The following CALN1 variants were observed in gnomAD, a reference collection of about 807,000 sequenced individuals.
CALN1 encodes the protein calneuron 1.
A neutral mutation model predicts 30.6 loss-of-function variants in CALN1; 17 were observed. That is an observed-to-expected ratio of 0.56 (90% CI 0.38 to 0.83). CALN1 has a LOEUF of 0.83. CALN1 is among the 40% of genes least tolerant of loss of function. The probability of loss-of-function intolerance (pLI) is 0.00; values close to 1 mark genes in which losing one functional copy is unlikely to be tolerated. For synonymous variants in CALN1, 156 were observed against 131.4 expected (o/e 1.19, Z -1.28); for missense variants, 291 against 354.9 (o/e 0.82, Z 1.45).
chr7:71,809,496 A>T (rs1286585399), intron 6 of CALN1, among the ~76,000 whole-genome samples: 1 of 151,516 alleles, frequency 6.6e-6, no homozygotes, highest in East Asian at 1.9e-4. Flanking sequence ...AAAGAAAAAA[A>T]ATTTGACCTC....
intron 5 of CALN1, among the ~76,000 whole-genome samples, chr7:71,948,188 G>A (rs573058773): frequency 1.3e-5 from 2 of 152,242 alleles, no homozygotes; most frequent in South Asian, 4.2e-4. Context: ...GGAAGGTGTG[G>A]ATGTCAGCAG....
chr7:72,342,851 A>T (rs1156331105), intron 2 of CALN1, among the ~76,000 whole-genome samples: 1 of 152,126 alleles, frequency 6.6e-6, no homozygotes, highest in Admixed American at 6.5e-5. Flanking sequence ...AATAGGTAGA[A>T]GTAGAAAAAA....
At chr7:72,450,228 C>T (rs954925218), upstream of CALN1, among the ~76,000 whole-genome samples, 15 of 152,084 alleles carry the variant, frequency 9.9e-5, no homozygotes, top group African/African-American at 3.6e-4. Context: ...TAAAAATCTG[C>T]CATCACCCAG....
chr7:72,039,620 C>CCCA (rs1410004589), intron 4 of CALN1, among the ~76,000 whole-genome samples: 4 of 152,264 alleles, frequency 2.6e-5, no homozygotes, highest in African/African-American at 4.8e-5. Context: ...CAGGGTCTCC[C>CCCA]CCACCACCAC....
intron 3 of CALN1, among the ~76,000 whole-genome samples, chr7:72,131,618 C>A (rs1438650588): frequency 6.6e-6 from 1 of 152,138 alleles, no homozygotes; most frequent in Non-Finnish European, 1.5e-5. Flanking sequence ...TGGATCTTGC[C>A]CTGACCTAAC....
chr7:72,054,418 C>CACGTATATATATATAT (rs1563015234), intron 4 of CALN1, among the ~76,000 whole-genome samples: 1 of 36,840 alleles, frequency 2.7e-5, no homozygotes, highest in African/African-American at 1.1e-4. Flanking sequence ...TATATATATA[C>CACGTATATATATATAT]GTGTATATAT....
At chr7:71,905,654 TA>T (rs1334083266) in intron 5 of CALN1, among the ~76,000 whole-genome samples, 1 of 152,020 alleles carries the variant, frequency 6.6e-6, no homozygotes, top group Admixed American at 6.6e-5. Context: ...AGATAAACTC[TA>T]TAAAGATTCT....
chr7:72,336,280 G>A (rs1352618596), intron 2 of CALN1, among the ~76,000 whole-genome samples: 1 of 152,154 alleles, frequency 6.6e-6, no homozygotes, highest in Non-Finnish European at 1.5e-5. Flanking sequence ...CTGGGCTGCG[G>A]TGCGGCTCCG....
intron 5 of CALN1, among the ~76,000 whole-genome samples, chr7:71,818,668 C>T (rs1031343305): frequency 6.9e-6 from 1 of 145,922 alleles, no homozygotes; most frequent in South Asian, 2.2e-4. Context: ...CCATGACCAG[C>T]TTATTTTATT....
chr7:72,214,670 G>T (rs920433574), intron 3 of CALN1, among the ~76,000 whole-genome samples: 2 of 151,912 alleles, frequency 1.3e-5, no homozygotes, highest in African/African-American at 4.8e-5. Context: ...CAACCACCAG[G>T]CAGTGACCTA....
intron 2 of CALN1, among the ~76,000 whole-genome samples, chr7:72,392,815 TA>T (rs1478447326): frequency 1.4e-5 from 2 of 141,988 alleles, no homozygotes; most frequent in African/African-American, 2.7e-5. Context: ...CTGTTTAAAT[TA>T]AAAAAGACCC....
intron 4 of CALN1, among the ~76,000 whole-genome samples, chr7:72,035,209 C>T (rs1027606743): frequency 2.0e-5 from 3 of 152,074 alleles, no homozygotes; most frequent in Non-Finnish European, 4.4e-5. Flanking sequence ...TTACCACCAC[C>T]ATCCATCCTC....
In CALN1 at chr7:72,187,265, T is replaced by C. The variant is rs892379412; in HGVS notation, c.245-80971A>G. Among the ~76,000 whole-genome samples the C allele has an allele frequency of 8.5e-5, 13 of 152,318 alleles. No homozygotes were observed. The South Asian group carries it at 2.3e-3, about 27-fold the overall frequency. The stretch of plus-strand genomic sequence containing the variant: ...CAGGTTATCTCAGCCTTTCATCCTA[T>C]TACATAATCTGTAAGTGGTAGAAAA... On this transcript the variant is annotated intron_variant, in intron 3 of 6. Coordinates refer to ENST00000395275, the MANE Select transcript of CALN1 (RefSeq NM_031468.4).
chr7:72,211,935 A>G (rs944743805), intron 3 of CALN1, among the ~76,000 whole-genome samples: 26 of 152,186 alleles, frequency 1.7e-4, no homozygotes, highest in African/African-American at 6.0e-4. Flanking sequence ...TAAAAGCACA[A>G]TAAACTGTTT....
intron 1 of CALN1, among the ~76,000 whole-genome samples, chr7:72,423,825 AAG>A (rs978015368): frequency 1.3e-5 from 2 of 151,646 alleles, no homozygotes; most frequent in African/African-American, 2.4e-5. Context: ...TCAAAAAAAA[AAG>A]AGAGAGAGAC....
At chr7:72,384,416 G>A (rs1394100290) in intron 2 of CALN1, among the ~76,000 whole-genome samples, 4 of 152,154 alleles carry the variant, frequency 2.6e-5, no homozygotes, top group Non-Finnish European at 5.9e-5. Context: ...GTAAAGAAGA[G>A]AGGAAGAAAA....
chr7:71,955,841 T>C (rs947795681), intron 5 of CALN1, among the ~76,000 whole-genome samples: 7 of 151,864 alleles, frequency 4.6e-5, no homozygotes, highest in Non-Finnish European at 1.0e-4. Context: ...AAGTCAGAAG[T>C]AGAATGTACT....
chr7:72,362,101 C>A (rs1298091683), intron 2 of CALN1, among the ~76,000 whole-genome samples: 1 of 152,080 alleles, frequency 6.6e-6, no homozygotes, highest in Non-Finnish European at 1.5e-5. Flanking sequence ...AGGTTTCTGT[C>A]ATTAACAGAA....
intron 2 of CALN1, among the ~76,000 whole-genome samples, chr7:72,377,473 G>GTGTGTGTGTT (rs1804635730): frequency 6.8e-6 from 1 of 146,140 alleles, no homozygotes; most frequent in Non-Finnish European, 1.5e-5. Flanking sequence ...GTGTGTGTGT[G>GTGTGTGTGTT]TTTGCATGTA....
Sources: gnomAD v4.1 joint callset for allele counts (sites outside exome capture counted in the v4.1 genomes callset) on GRCh38, gnomAD v4.1.1 for gene constraint, MANE v1.5 for transcripts, NCBI Gene and HGNC (gene_info 2026-07-23, HGNC 2026-07-21) for gene names.